The following MGMT variants were observed in gnomAD, a reference collection of about 807,000 sequenced individuals.
MGMT encodes the protein methylated-DNA--protein-cysteine methyltransferase.
In MGMT, 14 loss-of-function variants were observed where a neutral mutation model predicts 15.9. The observed-to-expected ratio is 0.88, with a 90% confidence interval of 0.58 to 1.37. The LOEUF is 1.37. Ranked by LOEUF, MGMT falls within the 40% of genes most tolerant of loss-of-function variation. The pLI is 0.00. For missense variants in MGMT, 282 were observed against 268.1 expected, an observed-to-expected ratio of 1.05 and a Z score of -0.36; for synonymous variants, 130 against 118.2, an observed-to-expected ratio of 1.10 and a Z score of -0.65.
At chr10:129,682,157 A>G (rs1371117418) in intron 2 of MGMT, among the ~76,000 whole-genome samples, 1 of 152,252 alleles carries the variant, frequency 6.6e-6, no homozygotes, top group East Asian at 1.9e-4. Flanking sequence ...ATCCTAAAGA[A>G]AGGAAAACTT....
intron 2 of MGMT, among the ~76,000 whole-genome samples, chr10:129,551,138 A>G (rs1457475250): frequency 6.6e-6 from 1 of 152,224 alleles, no homozygotes; most frequent in Non-Finnish European, 1.5e-5. Flanking sequence ...AGGAATTCAA[A>G]GAAATAGAAC....
At chr10:129,548,935 GGC>G (rs368063860) in intron 2 of MGMT, among the ~76,000 whole-genome samples, 69 of 152,320 alleles carry the variant, frequency 4.5e-4, no homozygotes, top group African/African-American at 1.6e-3. Flanking sequence ...CCAAGAATGG[GGC>G]GCGGCCTGAC....
At chr10:129,612,695 G>A (rs149526685) in intron 2 of MGMT, among the ~76,000 whole-genome samples, 10 of 152,330 alleles carry the variant, frequency 6.6e-5, no homozygotes, top group South Asian at 4.1e-4. Context: ...AACCATAGGC[G>A]AGGCAGCACT....
At chr10:129,729,217 C>G (rs1848468476) in intron 3 of MGMT, among the ~76,000 whole-genome samples, 1 of 152,170 alleles carries the variant, frequency 6.6e-6, no homozygotes, top group African/African-American at 2.4e-5. Flanking sequence ...AGGGGACAAA[C>G]TTCGTGCCTC....
chr10:129,673,501 C>T lies in MGMT; in HGVS notation c.126-34394C>T, dbSNP rs1249590490. Among the ~76,000 whole-genome samples, 11 of 152,112 alleles carry T rather than the reference C, an allele frequency of 7.2e-5. 1 individual carries two copies. Among genetic ancestry groups the T allele is most frequent in the Admixed American group, 2.0e-4 (3 of 15,284 alleles). Reference sequence around the variant, plus strand: ...CTTCCTCGCAGTGCCTGCCACCTTGCGGTCGAGCCCAGCTGGCAAATGAAG... The same window carrying T: ...CTTCCTCGCAGTGCCTGCCACCTTGTGGTCGAGCCCAGCTGGCAAATGAAG... On this transcript the variant is annotated intron_variant, in intron 2 of 4. Coordinates refer to ENST00000651593, the MANE Select transcript of MGMT (RefSeq NM_002412.5).
chr10:129,585,740 C>T (rs539744480), intron 2 of MGMT, among the ~76,000 whole-genome samples: 63 of 152,240 alleles, frequency 4.1e-4, no homozygotes, highest in African/African-American at 1.1e-3. Context: ...TCCGTGAGTC[C>T]GTGGCTGTGG....
At chr10:129,563,209 G>A (rs534143531) in intron 2 of MGMT, among the ~76,000 whole-genome samples, 11 of 152,282 alleles carry the variant, frequency 7.2e-5, no homozygotes, top group African/African-American at 2.2e-4. Context: ...ATCATAAGTC[G>A]AGGCACATCT....
chr10:129,520,071 A>C (rs907794339), intron 1 of MGMT, among the ~76,000 whole-genome samples: 3 of 152,240 alleles, frequency 2.0e-5, no homozygotes, highest in African/African-American at 7.2e-5. Flanking sequence ...TTGAGGTTGT[A>C]GTGCCACAGG....
chr10:129,668,892 CATATT>C (rs1356858531), intron 2 of MGMT, among the ~76,000 whole-genome samples: 2 of 152,094 alleles, frequency 1.3e-5, no homozygotes, highest in African/African-American at 4.8e-5. Context: ...AATCTGTAAA[CATATT>C]ATAGTCCTCC....
intron 2 of MGMT, among the ~76,000 whole-genome samples, chr10:129,553,088 C>G (rs939348645): frequency 3.3e-5 from 5 of 152,140 alleles, no homozygotes; most frequent in Non-Finnish European, 5.9e-5. Context: ...AGCTTCCCAC[C>G]GCATGGAGTT....
chr10:129,757,967 A>G (rs929517003), intron 3 of MGMT, among the ~76,000 whole-genome samples: 2 of 152,258 alleles, frequency 1.3e-5, no homozygotes, highest in African/African-American at 4.8e-5. Flanking sequence ...AAATTATATC[A>G]TAAAAAACTA....
chr10:129,684,084 T>C (rs1031567567), intron 2 of MGMT, among the ~76,000 whole-genome samples: 1 of 152,248 alleles, frequency 6.6e-6, no homozygotes, highest in Admixed American at 6.5e-5. Flanking sequence ...TTTTTCCATC[T>C]CATTAATTCA....
At chr10:129,608,378 G>A (rs1846918213) in intron 2 of MGMT, among the ~76,000 whole-genome samples, 1 of 152,218 alleles carries the variant, frequency 6.6e-6, no homozygotes, top group Non-Finnish European at 1.5e-5. Context: ...CCGCAGCTGC[G>A]TCGGTGGGGC....
intron 2 of MGMT, among the ~76,000 whole-genome samples, chr10:129,656,237 G>A (rs889218293): frequency 6.6e-6 from 1 of 152,220 alleles, no homozygotes; most frequent in Non-Finnish European, 1.5e-5. Flanking sequence ...CAGTCGGGAG[G>A]TGACAAACAT....
At chr10:129,483,262 G>A (rs1398663170) in intron 1 of MGMT, among the ~76,000 whole-genome samples, 2 of 152,116 alleles carry the variant, frequency 1.3e-5, no homozygotes, top group Non-Finnish European at 2.9e-5. Flanking sequence ...AATATATAGA[G>A]TTACTATTTT....
intron 3 of MGMT, among the ~76,000 whole-genome samples, chr10:129,738,871 A>G (rs967200258): frequency 3.3e-5 from 5 of 152,200 alleles, no homozygotes; most frequent in African/African-American, 1.2e-4. Flanking sequence ...TTTTAGGCCA[A>G]TATCCCTGAT....
At position 129,533,069 on chromosome 10, in the gene MGMT, G is replaced by A. The variant is rs1300833980; in HGVS notation, c.-12-3172G>A. On this transcript the variant is annotated intron_variant, in intron 1 of 4. Transcript: ENST00000651593. The surrounding 1 kb of genome is among the most constrained non-coding windows in gnomAD (Gnocchi z 4.5). ...GGAGGCAGAGCAGCCGAGAATCAAC[G>A]GTGGCCATAGCCACCACATCCTGTT... 6.6e-6 allele frequency among the ~76,000 whole-genome samples: 1 copy of A among 152,220 alleles called. No homozygotes were observed. The highest frequency in any genetic ancestry group is 1.9e-4 in the East Asian group (1 of 5,180).
chr10:129,536,198 C>A (rs772295504), intron 1 of MGMT, 43 bp from the exon 2 acceptor site: 29 of 1,606,456 alleles, frequency 1.8e-5, no homozygotes, highest in Non-Finnish European at 2.5e-5. Flanking sequence ...ATACGACCAG[C>A]CTCTTACCTA....
At chr10:129,577,785 C>T (rs1295858971) in intron 2 of MGMT, among the ~76,000 whole-genome samples, 1 of 152,264 alleles carries the variant, frequency 6.6e-6, no homozygotes, top group South Asian at 2.1e-4. Flanking sequence ...TCAACCTACT[C>T]CTCTGGCAAA....
Sources: gnomAD v4.1 joint callset for allele counts (sites outside exome capture counted in the v4.1 genomes callset) on GRCh38, gnomAD v4.1.1 for gene constraint, Gnocchi (gnomAD v3.1) non-coding constraint, MANE v1.5 for transcripts, NCBI Gene and HGNC (gene_info 2026-07-23, HGNC 2026-07-21) for gene names.